The following ELP4 variants were observed in gnomAD, a reference collection of about 807,000 sequenced individuals.
ELP4 encodes the protein elongator complex protein 4.
In ELP4, 51 loss-of-function variants were observed where a neutral mutation model predicts 48.9. The ratio of observed to expected loss-of-function variants is 1.04; its 90% CI spans 0.83 to 1.32. The LOEUF (loss-of-function observed/expected upper bound fraction) is 1.32. ELP4 is among the 40% of genes most tolerant of loss of function. The pLI is 0.00. For synonymous variants in ELP4, 210 were observed against 189.2 expected, an observed-to-expected ratio of 1.11 and a Z score of -0.90; for missense variants, 519 against 514.6, an observed-to-expected ratio of 1.01 and a Z score of -0.08.
intron 6 of ELP4, among the ~76,000 whole-genome samples, chr11:31,631,946 A>G (rs939039220): frequency 6.6e-6 from 1 of 152,098 alleles, no homozygotes; most frequent in Non-Finnish European, 1.5e-5. Flanking sequence ...TATAATTCTT[A>G]GAGTTGTTGC....
intron 1 of ELP4, among the ~76,000 whole-genome samples, chr11:31,512,894 A>T (rs185023115): frequency 7.4e-4 from 112 of 151,276 alleles, no homozygotes; most frequent in Non-Finnish European, 1.0e-3. Context: ...CCACAACTTC[A>T]TCCTCCAGAA....
chr11:31,584,856 T>C (rs973636165), intron 3 of ELP4, among the ~76,000 whole-genome samples: 4 of 152,200 alleles, frequency 2.6e-5, no homozygotes, highest in African/African-American at 9.7e-5. Context: ...GGTAGAATGA[T>C]GACCACCAAT....
intron 9 of ELP4, chr11:31,763,423 A>T (rs1355558222): frequency 5.0e-6 from 8 of 1,607,340 alleles, no homozygotes; most frequent in Non-Finnish European, 6.8e-6. Context: ...GGTGCAAGAC[A>T]ACTACTTGAG....
rs146836090 is a variant in ELP4 at position 31,669,559 on chromosome 11, C to T, written c.1143+19338C>T. Among the ~76,000 whole-genome samples the T allele has an allele frequency of 6.0e-4, 92 of 152,232 alleles. 1 individual carries two copies. Among genetic ancestry groups the T allele is most frequent in the African/African-American group, 2.0e-3 (82 of 41,540 alleles). Reference sequence around the variant, plus strand: ...AGTAACTCATAAGTTATTGTAGCATCTACAACATTATTTTAATTTCCTGTT... The same window carrying T: ...AGTAACTCATAAGTTATTGTAGCATTTACAACATTATTTTAATTTCCTGTT... On this transcript the variant is annotated intron_variant, in intron 9 of 9. Coordinates refer to ENST00000640961, the MANE Select transcript of ELP4 (RefSeq NM_019040.5).
chr11:31,645,172 C>T (rs1295589562), intron 7 of ELP4, among the ~76,000 whole-genome samples: 2 of 151,628 alleles, frequency 1.3e-5, no homozygotes, highest in Non-Finnish European at 3.0e-5. Context: ...GACTATGATG[C>T]AAACCTGTGA....
chr11:31,552,119 G>T (rs533177796), intron 3 of ELP4, among the ~76,000 whole-genome samples: 1 of 151,934 alleles, frequency 6.6e-6, no homozygotes, highest in South Asian at 2.1e-4. Flanking sequence ...CTTCTTCCCC[G>T]ATATACTTTC....
chr11:31,781,051 G>A (rs899773574), intron 9 of ELP4, among the ~76,000 whole-genome samples: 2 of 152,104 alleles, frequency 1.3e-5, no homozygotes, highest in African/African-American at 4.8e-5. Flanking sequence ...AGTGTTCCCT[G>A]TGAGGGTTAC....
chr11:31,614,505 A>G (rs1010324353), intron 5 of ELP4, among the ~76,000 whole-genome samples: 4 of 152,210 alleles, frequency 2.6e-5, no homozygotes, highest in African/African-American at 9.6e-5. Context: ...AAATAAATAA[A>G]TGAATAAATT....
At chr11:31,577,842 T>C (rs1274551032) in intron 3 of ELP4, among the ~76,000 whole-genome samples, 1 of 152,206 alleles carries the variant, frequency 6.6e-6, no homozygotes, top group East Asian at 1.9e-4. Context: ...AACATCATAC[T>C]GAATGGGCAA....
chr11:31,740,073 A>G (rs532604352), intron 9 of ELP4, among the ~76,000 whole-genome samples: 1 of 152,354 alleles, frequency 6.6e-6, no homozygotes, highest in East Asian at 1.9e-4. Context: ...CAGAGGTTAT[A>G]CAGTTGAAAA....
intron 3 of ELP4, among the ~76,000 whole-genome samples, chr11:31,557,259 C>T (rs1592114370): frequency 1.3e-5 from 2 of 151,780 alleles, no homozygotes; most frequent in African/African-American, 4.8e-5. Flanking sequence ...AAATACCAGA[C>T]TTACCCAAAT....
intron 9 of ELP4, chr11:31,650,912 G>C (rs572761090): frequency 6.6e-6 from 1 of 151,674 alleles, no homozygotes; most frequent in Non-Finnish European, 1.5e-5. Flanking sequence ...AGTATAGTCG[G>C]TGCAATTTTT....
At chr11:31,612,279 TC>T (rs1957995891) in intron 5 of ELP4, among the ~76,000 whole-genome samples, 1 of 152,220 alleles carries the variant, frequency 6.6e-6, no homozygotes, top group East Asian at 1.9e-4. Context: ...ACTGATGACT[TC>T]TCTTAGTGAA....
chr11:31,670,777 A>T (rs528773465), intron 9 of ELP4, among the ~76,000 whole-genome samples: 2 of 152,038 alleles, frequency 1.3e-5, no homozygotes, highest in African/African-American at 2.4e-5. Flanking sequence ...TATTTTTTAG[A>T]AAAGTATAAT....
intron 2 of ELP4, among the ~76,000 whole-genome samples, chr11:31,522,078 T>TA (rs1565033884): frequency 6.6e-6 from 1 of 152,182 alleles, no homozygotes; most frequent in African/African-American, 2.4e-5. Flanking sequence ...ATGAGATACT[T>TA]ATGTCACCCA....
At chr11:31,548,592 A>G (rs1382596634) in intron 3 of ELP4, among the ~76,000 whole-genome samples, 1 of 152,224 alleles carries the variant, frequency 6.6e-6, no homozygotes. Context: ...TGCCATCCCT[A>G]TCAAGCTACC....
chr11:31,632,325 A>T lies in ELP4; in HGVS notation c.847A>T (p.Lys283Ter). 1 of 1,613,412 alleles carries T rather than the reference A, an allele frequency of 6.2e-7. No individual in the cohort carries two copies. Among genetic ancestry groups the T allele is most frequent in the East Asian group, 2.2e-5 (1 of 44,816 alleles). ...ENGGNSHSLT[K>*]FLYVLRGLLR... is the part of the protein sequence containing the mutation. The stretch of plus-strand genomic sequence containing the variant: ...TGGTGGCAACAGTCACAGCCTTACC[A>T]AGTTCCTCTATGTTCTCCGTGGTCT... The change falls in exon 7 of 10, where the codon AAG (lysine) becomes TAG (stop). Residue 283 changes from lysine (K) to a stop codon, truncating the protein, a stop_gained. Transcript: ENST00000640961. LOFTEE classifies it high-confidence loss of function.
chr11:31,568,944 G>A (rs549232141), intron 3 of ELP4, among the ~76,000 whole-genome samples: 2 of 151,960 alleles, frequency 1.3e-5, no homozygotes, highest in Non-Finnish European at 2.9e-5. Flanking sequence ...AATTAGCCAG[G>A]TGTGGTGGCA....
chr11:31,570,057 A>G (rs933910532), intron 3 of ELP4, among the ~76,000 whole-genome samples: 5 of 152,182 alleles, frequency 3.3e-5, no homozygotes, highest in African/African-American at 1.2e-4. Context: ...AGGCACGTCC[A>G]TATGTATATA....
Sources: gnomAD v4.1 joint callset for allele counts (sites outside exome capture counted in the v4.1 genomes callset) on GRCh38, gnomAD v4.1.1 for gene constraint, MANE v1.5 for transcripts, NCBI Gene and HGNC (gene_info 2026-07-23, HGNC 2026-07-21) for gene names.